Variants in DOCK8 observed in about 807,000 individuals in gnomAD.
DOCK8 encodes the protein dedicator of cytokinesis 8.
Under a neutral mutation model 245.6 loss-of-function variants are expected in DOCK8, and 141 were observed. The ratio of observed to expected loss-of-function variants is 0.57; its 90% CI spans 0.50 to 0.66. The LOEUF is 0.66. Among genes scored for constraint, DOCK8 ranks in the 30% least tolerant of loss-of-function variants. The probability of loss-of-function intolerance (pLI) is 0.00; values close to 1 mark genes in which losing one functional copy is unlikely to be tolerated. For missense variants in DOCK8, 2,965 were observed against 2,603.4 expected (o/e 1.14, Z -3.02); for synonymous variants, 1,168 against 970.2 (o/e 1.20, Z -3.79).
chr9:429,678 A>C (rs376650823), intron 35 of DOCK8, 24 bp from the exon 36 acceptor site: 36 of 1,613,950 alleles, frequency 2.2e-5, no homozygotes, highest in Non-Finnish European at 2.8e-5. Flanking sequence ...AGTGATGCCT[A>C]ATGGCCCTTT....
At chr9:341,513 A>C (rs2051588900) in intron 14 of DOCK8, among the ~76,000 whole-genome samples, 1 of 152,348 alleles carries the variant, frequency 6.6e-6, no homozygotes, top group South Asian at 2.1e-4. Context: ...GTACTGATTC[A>C]GTTGAAGTCT....
chr9:400,950 C>T (rs1281745040), intron 26 of DOCK8, among the ~76,000 whole-genome samples: 15 of 68,792 alleles, frequency 2.2e-4, no homozygotes, highest in African/African-American at 1.1e-3. Context: ...ACCACCATCA[C>T]CACCACCACC....
rs374221181 is a variant in DOCK8 at position 274,257 on chromosome 9, A to C, written c.156+2528A>C. Reference sequence around the variant, plus strand: ...CCAGCAACAATAAGTAAAATTGTTAAATTATGCAAGAATCACATGTTCCTA... The same window carrying C: ...CCAGCAACAATAAGTAAAATTGTTACATTATGCAAGAATCACATGTTCCTA... On this transcript the variant is annotated intron_variant, in intron 2 of 47. Coordinates refer to ENST00000432829, the MANE Select transcript of DOCK8 (RefSeq NM_203447.4). 9.8e-5 allele frequency among the ~76,000 whole-genome samples: 15 copies of C among 152,296 alleles called. No individual in the cohort carries two copies. In the East Asian group the frequency reaches 1.9e-3, roughly 20 times the overall value.
chr9:260,722 T>C (rs192100651), intron 1 of DOCK8, among the ~76,000 whole-genome samples: 5 of 152,308 alleles, frequency 3.3e-5, no homozygotes, highest in Admixed American at 3.3e-4. Flanking sequence ...TATAGTAGAA[T>C]ACATATGCAG....
intron 46 of DOCK8, among the ~76,000 whole-genome samples, chr9:462,847 A>G (rs566551796): frequency 6.6e-6 from 1 of 152,282 alleles, no homozygotes; most frequent in Non-Finnish European, 1.5e-5. Flanking sequence ...AACAGCTTCC[A>G]TTCTGCAGTG....
upstream of DOCK8, among the ~76,000 whole-genome samples, chr9:211,972 T>C (rs1329976478): frequency 2.0e-5 from 3 of 152,160 alleles, no homozygotes; most frequent in Non-Finnish European, 2.9e-5. Context: ...AGTTTTATAC[T>C]GGAGTTTGAA....
At position 366,553 on chromosome 9, in the gene DOCK8, G is replaced by T. The variant is rs936274541; in HGVS notation, c.1680-1465G>T. On this transcript the variant is annotated intron_variant, in intron 14 of 47. Transcript: ENST00000432829. ...ATGTGGGATGTTCTTCTGTGACTAG[G>T]TAAGTTTATCTCAATGTGTCCCCAA... 4 of 152,136 alleles carry T rather than the reference G, an allele frequency of 2.6e-5. 1 individual carries two copies. The highest frequency in any genetic ancestry group is 2.6e-4 in the Admixed American group (4 of 15,286). The allele number at this position is 152,136 out of a possible 1,614,324, so 9.4% of individuals were successfully genotyped here.
chr9:359,173 C>G (rs1185448791), intron 14 of DOCK8, among the ~76,000 whole-genome samples: 1 of 152,198 alleles, frequency 6.6e-6, no homozygotes, highest in Non-Finnish European at 1.5e-5. Context: ...TTAGCTCACT[C>G]AGAAAAACCT....
In DOCK8 at chr9:340,251, C is replaced by G. The variant is rs544513633; in HGVS notation, c.1609C>G (p.Arg537Gly). 6.2e-7 allele frequency: 1 copy of G among 1,614,128 alleles called. No homozygotes were observed. Among genetic ancestry groups the G allele is most frequent in the Non-Finnish European group, 8.5e-7 (1 of 1,180,014 alleles). The change falls in exon 14 of 48, where the codon CGG becomes GGG. Residue 537 changes from arginine (R) to glycine (G), a missense_variant. Transcript: ENST00000432829. ...MLPVKPFPEN[R>G]TRPHKEILEF... ...GCCCGTGAAACCCTTTCCTGAAAAC[C>G]GGACACGCCCGCACAAAGAGATTTT... is the stretch of plus-strand genomic sequence containing the variant.
At chr9:392,244 A>G (rs980460877) in intron 24 of DOCK8, among the ~76,000 whole-genome samples, 9 of 152,188 alleles carry the variant, frequency 5.9e-5, no homozygotes, top group African/African-American at 2.2e-4. Context: ...GAAATGCTGA[A>G]CAATAGGACA....
At position 403,858 on chromosome 9, in the gene DOCK8, ATCTCTCTCTC is replaced by A. The variant is rs749646963; in HGVS notation, c.3235-1034_3235-1025del. ...CCAGTTCAACAGAGCAAGACTCTGT[ATCTCTCTCTC>A]TCTCTCTCTCTCTCTCTCTCTCTCT... is the stretch of plus-strand genomic sequence containing the variant. On this transcript the variant is annotated intron_variant, in intron 26 of 47. Transcript: ENST00000432829. Among the ~76,000 whole-genome samples the A allele has an allele frequency of 9.0e-3, 752 of 83,980 alleles. 15 individuals carry two copies. Among genetic ancestry groups the A allele is most frequent in the African/African-American group, 0.032 (700 of 21,746 alleles). The allele number at this position is 83,980 out of a possible 152,430, so 55.1% of individuals were successfully genotyped here.
intron 12 of DOCK8, 93 bp downstream of exon 12, chr9:336,811 G>A: frequency 1.4e-6 from 2 of 1,479,114 alleles, no homozygotes; most frequent in Non-Finnish European, 9.4e-7. Flanking sequence ...GATTAAGAGA[G>A]CAAATTAGTT....
intron 14 of DOCK8, among the ~76,000 whole-genome samples, chr9:364,789 T>C (rs1042371867): frequency 3.9e-5 from 6 of 152,244 alleles, no homozygotes; most frequent in African/African-American, 1.4e-4. Flanking sequence ...TTTTATGTTA[T>C]GCAAGGTTGA....
At chr9:334,576 C>A (rs981553239) in intron 11 of DOCK8, among the ~76,000 whole-genome samples, 192 bp downstream of exon 11, 1 of 152,114 alleles carries the variant, frequency 6.6e-6, no homozygotes, top group South Asian at 2.1e-4. Context: ...GAAATTATCA[C>A]GAACATTGGT....
intron 30 of DOCK8, among the ~76,000 whole-genome samples, chr9:418,941 G>C (rs1029835911): frequency 6.6e-6 from 1 of 151,472 alleles, no homozygotes; most frequent in African/African-American, 2.4e-5. Flanking sequence ...TCTTAAACAA[G>C]ACTGCAGCTT....
intron 24 of DOCK8, among the ~76,000 whole-genome samples, chr9:390,943 A>G (rs544998316): frequency 2.0e-5 from 3 of 152,294 alleles, no homozygotes; most frequent in African/African-American, 7.2e-5. Flanking sequence ...AAACCGATCG[A>G]TGATTTTCAC....
intron 24 of DOCK8, among the ~76,000 whole-genome samples, chr9:391,750 G>A (rs773221003): frequency 1.3e-5 from 2 of 150,628 alleles, no homozygotes; most frequent in Non-Finnish European, 3.0e-5. Flanking sequence ...AGGATTTGGA[G>A]TAGGTTGAGA....
intron 24 of DOCK8, among the ~76,000 whole-genome samples, chr9:396,285 G>A (rs369828401): frequency 2.0e-5 from 3 of 152,158 alleles, no homozygotes; most frequent in African/African-American, 7.2e-5. Flanking sequence ...GAAAAACTGT[G>A]CTCCCTCGAG....
chr9:422,914 G>A (rs2056331933), intron 33 of DOCK8, among the ~76,000 whole-genome samples: 1 of 151,854 alleles, frequency 6.6e-6, no homozygotes, highest in South Asian at 2.1e-4. Flanking sequence ...GAACCCGGGA[G>A]GCAGAGGTTG....
Sources: allele counts gnomAD v4.1 joint callset (sites outside exome capture counted in the v4.1 genomes callset), GRCh38; gene constraint gnomAD v4.1.1; transcripts MANE v1.5; gene names NCBI Gene and HGNC (gene_info 2026-07-23, HGNC 2026-07-21).